Variants in TRPC7 observed in about 807,000 individuals in gnomAD.
TRPC7 encodes the protein short transient receptor potential channel 7.
TRPC7 carries 42 observed loss-of-function variants against 90.1 expected under a neutral mutation model. The ratio of observed to expected loss-of-function variants is 0.47; its 90% CI spans 0.36 to 0.60. The LOEUF (loss-of-function observed/expected upper bound fraction) is 0.60, where lower values mean the gene tolerates loss of function less well. Among genes scored for constraint, TRPC7 ranks in the 20% least tolerant of loss-of-function variants. The pLI is 0.00. For synonymous variants in TRPC7, 451 were observed against 436.3 expected (o/e 1.03, Z -0.42); for missense variants, 955 against 1,112.3 (o/e 0.86, Z 2.01).
chr5:136,354,788 C>T (rs911165694), intron 2 of TRPC7, among the ~76,000 whole-genome samples: 2 of 152,242 alleles, frequency 1.3e-5, no homozygotes, highest in Admixed American at 6.5e-5. Flanking sequence ...GAATGGCCTA[C>T]AGGAAGCCTG....
intron 7 of TRPC7, among the ~76,000 whole-genome samples, chr5:136,243,132 G>T (rs930147035): frequency 1.3e-5 from 2 of 152,108 alleles, no homozygotes; most frequent in Non-Finnish European, 2.9e-5. Context: ...TAGAATGCTT[G>T]CCCTTCCTCT....
chr5:136,226,986 A>T (rs1465066600), intron 8 of TRPC7, among the ~76,000 whole-genome samples: 5 of 152,222 alleles, frequency 3.3e-5, no homozygotes, highest in Admixed American at 2.6e-4. Context: ...TGGACAGCAC[A>T]GTATATTTAT....
At chr5:136,266,168 ATGTCC>A in intron 5 of TRPC7, 47 bp downstream of exon 5, 1 of 1,495,358 alleles carries the variant, frequency 6.7e-7, no homozygotes, top group Non-Finnish European at 9.3e-7. Context: ...GAGTTTAATA[ATGTCC>A]TACTATAATT....
chr5:136,341,137 A>T (rs1561725965), intron 2 of TRPC7, among the ~76,000 whole-genome samples: 1 of 152,190 alleles, frequency 6.6e-6, no homozygotes, highest in South Asian at 2.1e-4. Context: ...TAACTTACAG[A>T]TGTGGTCACA....
intron 3 of TRPC7, among the ~76,000 whole-genome samples, chr5:136,296,927 G>C (rs1007353062): frequency 6.6e-6 from 1 of 152,154 alleles, no homozygotes; most frequent in Admixed American, 6.5e-5. Flanking sequence ...CAGGAGTCCT[G>C]CCCCTGCCTG....
intron 3 of TRPC7, among the ~76,000 whole-genome samples, chr5:136,298,637 T>C (rs190246315): frequency 2.0e-5 from 3 of 152,214 alleles, no homozygotes; most frequent in Admixed American, 1.3e-4. Context: ...AATGAGTGGC[T>C]GGTGTAAGTG....
In TRPC7 at chr5:136,288,273, T is replaced by C. The variant is rs1461685841; in HGVS notation, c.964-13436A>G. ...CAGCAAGAGGCACAAAGCAAATTCATACTGTTTATGCCTGTTTCTCCAGTC... is the reference window on the plus strand; with the variant it reads ...CAGCAAGAGGCACAAAGCAAATTCACACTGTTTATGCCTGTTTCTCCAGTC... On this transcript the variant is annotated intron_variant, in intron 3 of 11. Coordinates refer to ENST00000513104, the MANE Select transcript of TRPC7 (RefSeq NM_020389.3). Among the ~76,000 whole-genome samples, 3 of 152,184 alleles carry C rather than the reference T, an allele frequency of 2.0e-5. No homozygotes were observed. In the East Asian group the frequency reaches 5.8e-4, roughly 29 times the overall value.
intron 4 of TRPC7, among the ~76,000 whole-genome samples, chr5:136,268,408 C>G (rs950898696): frequency 6.6e-6 from 1 of 152,278 alleles, no homozygotes; most frequent in East Asian, 1.9e-4. Flanking sequence ...TTAGAAAAAG[C>G]TGGGGAACTC....
intron 8 of TRPC7, among the ~76,000 whole-genome samples, chr5:136,228,772 C>A (rs891426234): frequency 2.0e-5 from 3 of 152,150 alleles, no homozygotes; most frequent in Non-Finnish European, 4.4e-5. Context: ...TACATGTGAT[C>A]ATGAACGCCT....
At chr5:136,221,420 C>T (rs971795100) in intron 10 of TRPC7, among the ~76,000 whole-genome samples, 12 of 152,188 alleles carry the variant, frequency 7.9e-5, no homozygotes, top group African/African-American at 1.4e-4. Flanking sequence ...AGCCCAGACC[C>T]GGCCCAAACT....
intron 7 of TRPC7, among the ~76,000 whole-genome samples, chr5:136,235,249 G>A (rs1755947065): frequency 1.3e-5 from 2 of 152,274 alleles, no homozygotes; most frequent in South Asian, 2.1e-4. Context: ...AATGACAGAC[G>A]TCCTGGTAGG....
chr5:136,234,769 G>A (rs1235093274), intron 7 of TRPC7, among the ~76,000 whole-genome samples: 3 of 152,116 alleles, frequency 2.0e-5, no homozygotes, highest in Admixed American at 6.5e-5. Context: ...TGAGGCTCTT[G>A]GGTCTTTCAT....
At chr5:136,321,425 A>G (rs754059506) in intron 2 of TRPC7, among the ~76,000 whole-genome samples, 6 of 152,180 alleles carry the variant, frequency 3.9e-5, no homozygotes, top group Non-Finnish European at 7.3e-5. Context: ...TATTGATAAA[A>G]TTGATAAGTG....
intron 2 of TRPC7, among the ~76,000 whole-genome samples, chr5:136,340,703 A>G (rs1215568162): frequency 6.6e-6 from 1 of 152,138 alleles, no homozygotes; most frequent in Non-Finnish European, 1.5e-5. Flanking sequence ...AAAGAATACC[A>G]TAAAGGAGAT....
At chr5:136,213,766 C>T (rs184148466) in intron 11 of TRPC7, among the ~76,000 whole-genome samples, 162 bp from the exon 12 acceptor site, 42 of 152,260 alleles carry the variant, frequency 2.8e-4, no homozygotes, top group Admixed American at 7.2e-4. Flanking sequence ...GAACCCAGAA[C>T]CACCCAGCTC....
chr5:136,288,247 C>G (rs993293860), intron 3 of TRPC7, among the ~76,000 whole-genome samples: 1 of 152,106 alleles, frequency 6.6e-6, no homozygotes, highest in African/African-American at 2.4e-5. Context: ...AGATATCTTA[C>G]CAGCAAGAGG....
At chr5:136,298,064 C>CTTA (rs1758243660) in intron 3 of TRPC7, among the ~76,000 whole-genome samples, 1 of 152,132 alleles carries the variant, frequency 6.6e-6, no homozygotes, top group Non-Finnish European at 1.5e-5. Flanking sequence ...TGGTGAGTTG[C>CTTA]TGCTACAGAA....
intron 3 of TRPC7, among the ~76,000 whole-genome samples, chr5:136,293,017 C>T (rs950503583): frequency 2.0e-5 from 3 of 152,126 alleles, no homozygotes; most frequent in Admixed American, 2.0e-4. Context: ...TGTAATCCAG[C>T]ATATAAACAG....
intron 2 of TRPC7, among the ~76,000 whole-genome samples, chr5:136,324,995 G>T (rs1759301981): frequency 6.6e-6 from 1 of 152,218 alleles, no homozygotes; most frequent in African/African-American, 2.4e-5. Context: ...TGAAATACTA[G>T]TGGAGCTAAG....
Sources: gnomAD v4.1 joint callset for allele counts (sites outside exome capture counted in the v4.1 genomes callset) on GRCh38, gnomAD v4.1.1 for gene constraint, MANE v1.5 for transcripts, NCBI Gene and HGNC (gene_info 2026-07-23, HGNC 2026-07-21) for gene names.